The following FAM110B variants were observed in gnomAD, a reference collection of about 807,000 sequenced individuals.
FAM110B encodes family with sequence similarity 110 member B.
A neutral mutation model predicts 20.4 loss-of-function variants in FAM110B; 6 were observed. The ratio of observed to expected loss-of-function variants is 0.29; its 90% CI spans 0.16 to 0.58. The LOEUF (loss-of-function observed/expected upper bound fraction) is 0.58, where lower values mean the gene tolerates loss of function less well. Among genes scored for constraint, FAM110B ranks in the 20% least tolerant of loss-of-function variants. FAM110B has a pLI of 0.90. For missense variants in FAM110B, 434 were observed against 498.2 expected, an observed-to-expected ratio of 0.87 and a Z score of 1.23; for synonymous variants, 226 against 214.1, an observed-to-expected ratio of 1.06 and a Z score of -0.49.
Position 58,147,465 on chromosome 8 carries a change from C to G in FAM110B, c.*122C>G. On this transcript the variant is annotated 3_prime_UTR_variant, in exon 4 of 4. Transcript: ENST00000519262. ...TGTGTTGCTTGTTGTGCAATGTTTT[C>G]AAGTTGCATGCTTGTCAACATGGGG... 8.1e-7 allele frequency: 1 copy of G among 1,234,468 alleles called. No homozygotes were observed. Among genetic ancestry groups the G allele is most frequent in the Non-Finnish European group, 1.1e-6 (1 of 891,524 alleles). The allele number at this position is 1,234,468 out of a possible 1,614,324, so 76.5% of individuals were successfully genotyped here.
At chr8:57,997,159 G>A (rs1293941601) in intron 1 of FAM110B, among the ~76,000 whole-genome samples, 1 of 152,166 alleles carries the variant, frequency 6.6e-6, no homozygotes, top group Admixed American at 6.5e-5. Flanking sequence ...GGCAGTAGAT[G>A]GTGCTGTGGA....
chr8:58,119,179 C>T (rs115789917), intron 3 of FAM110B, among the ~76,000 whole-genome samples: 1 of 152,274 alleles, frequency 6.6e-6, no homozygotes, highest in African/African-American at 2.4e-5. Context: ...CTTATTTTCT[C>T]TTAATTTGAG....
At chr8:58,132,301 C>G (rs547413565) in intron 3 of FAM110B, among the ~76,000 whole-genome samples, 1 of 152,168 alleles carries the variant, frequency 6.6e-6, no homozygotes, top group Non-Finnish European at 1.5e-5. Context: ...AGTAGGTACA[C>G]ACTCTTCCAC....
intron 3 of FAM110B, among the ~76,000 whole-genome samples, chr8:58,094,265 G>C (rs1016098910): frequency 2.6e-5 from 4 of 152,114 alleles, no homozygotes; most frequent in African/African-American, 7.2e-5. Flanking sequence ...GATTGCCCTG[G>C]CCAGAACTTC....
intron 3 of FAM110B, among the ~76,000 whole-genome samples, chr8:58,102,362 A>G (rs1364729288): frequency 6.6e-6 from 1 of 152,144 alleles, no homozygotes; most frequent in Non-Finnish European, 1.5e-5. Context: ...ACCTTTTCTT[A>G]CTGTGTAATT....
At chr8:58,033,434 G>A (rs1271330504) in intron 2 of FAM110B, among the ~76,000 whole-genome samples, 2 of 152,182 alleles carry the variant, frequency 1.3e-5, no homozygotes, top group African/African-American at 4.8e-5. Context: ...GGATTGCTGG[G>A]TCAAATGGTA....
At chr8:58,051,242 G>A (rs537399462) in intron 2 of FAM110B, among the ~76,000 whole-genome samples, 6 of 152,284 alleles carry the variant, frequency 3.9e-5, no homozygotes, top group Non-Finnish European at 5.9e-5. Flanking sequence ...GGTTAAGAAC[G>A]TGACAAGCTA....
At chr8:57,998,527 C>G (rs901915995) in intron 1 of FAM110B, among the ~76,000 whole-genome samples, 1 of 152,016 alleles carries the variant, frequency 6.6e-6, no homozygotes, top group Non-Finnish European at 1.5e-5. Context: ...TAGGCAGAGC[C>G]TAATATAATT....
chr8:58,026,523 A>G (rs936745361), intron 1 of FAM110B, among the ~76,000 whole-genome samples: 47 of 152,262 alleles, frequency 3.1e-4, no homozygotes, highest in African/African-American at 1.1e-3. Context: ...TTTAGTCATT[A>G]TCAACCTTGA....
chr8:58,037,802 A>C (rs765887735), intron 2 of FAM110B, among the ~76,000 whole-genome samples: 2 of 152,016 alleles, frequency 1.3e-5, no homozygotes, highest in African/African-American at 2.4e-5. Flanking sequence ...TCCTAACTTA[A>C]TTAGAATTGG....
intron 2 of FAM110B, among the ~76,000 whole-genome samples, chr8:58,066,586 A>G (rs1805767826): frequency 1.3e-5 from 2 of 152,066 alleles, no homozygotes; most frequent in Admixed American, 1.3e-4. Context: ...AGGAACAGAA[A>G]AGGAAGGGGC....
rs559557005 is a variant in FAM110B, at chr8:58,108,474, A to T, written c.-325+32851A>T. 2.6e-5 allele frequency among the ~76,000 whole-genome samples: 4 copies of T among 152,246 alleles called. No individual in the cohort carries two copies. In the South Asian group the frequency reaches 8.3e-4, roughly 32 times the overall value. ...AGATCTGACCTGAAACAACACACAGAACCTCTCCTTTGGCTTAGATCCCAT... is the reference window on the plus strand; with the variant it reads ...AGATCTGACCTGAAACAACACACAGTACCTCTCCTTTGGCTTAGATCCCAT... On this transcript the variant is annotated intron_variant, in intron 3 of 3. Transcript: ENST00000519262.
chr8:58,138,801 C>G (rs2150640874), intron 3 of FAM110B, among the ~76,000 whole-genome samples: 1 of 152,344 alleles, frequency 6.6e-6, no homozygotes, highest in African/African-American at 2.4e-5. Context: ...GATCAACACG[C>G]CTGTGTGAGT....
chr8:58,043,705 A>T (rs1805263801), intron 2 of FAM110B, among the ~76,000 whole-genome samples: 1 of 152,172 alleles, frequency 6.6e-6, no homozygotes, highest in Admixed American at 6.5e-5. Flanking sequence ...ACCAATACGA[A>T]ATCCAAACAC....
intron 1 of FAM110B, among the ~76,000 whole-genome samples, chr8:58,023,987 T>C (rs1804806164): frequency 6.6e-6 from 1 of 152,216 alleles, no homozygotes; most frequent in Non-Finnish European, 1.5e-5. Context: ...TTAAAAAGAT[T>C]TTGTGACACT....
chr8:58,052,615 A>G (rs1399714126), intron 2 of FAM110B, among the ~76,000 whole-genome samples: 4 of 152,086 alleles, frequency 2.6e-5, no homozygotes, highest in Admixed American at 1.3e-4. Flanking sequence ...AAAAATTACT[A>G]CGGAGGAACA....
intron 3 of FAM110B, among the ~76,000 whole-genome samples, chr8:58,108,103 G>A (rs1806965359): frequency 6.6e-6 from 1 of 152,138 alleles, no homozygotes; most frequent in Non-Finnish European, 1.5e-5. Context: ...TTCATGTAAT[G>A]TATTTTATCC....
chr8:58,122,472 C>T (rs1331912261), intron 3 of FAM110B, among the ~76,000 whole-genome samples: 3 of 152,138 alleles, frequency 2.0e-5, no homozygotes, highest in Non-Finnish European at 4.4e-5. Context: ...GATGGATCCT[C>T]TAATTTTTAT....
intron 2 of FAM110B, among the ~76,000 whole-genome samples, chr8:58,065,203 G>A (rs111799297): frequency 6.6e-6 from 1 of 152,170 alleles, no homozygotes; most frequent in African/African-American, 2.4e-5. Flanking sequence ...GACAGTAAGT[G>A]CAGAGATGCA....
Sources: gnomAD v4.1 joint callset for allele counts (sites outside exome capture counted in the v4.1 genomes callset) on GRCh38, gnomAD v4.1.1 for gene constraint, MANE v1.5 for transcripts, NCBI Gene and HGNC (gene_info 2026-07-23, HGNC 2026-07-21) for gene names.